The following GRIK4 variants were observed in gnomAD, a reference collection of about 807,000 sequenced individuals.
GRIK4 encodes the protein glutamate ionotropic receptor kainate type subunit 4.
Under a neutral mutation model 104.9 loss-of-function variants are expected in GRIK4, and 40 were observed. The ratio of observed to expected loss-of-function variants is 0.38; its 90% CI spans 0.30 to 0.50. The LOEUF is 0.50. Ranked by LOEUF, GRIK4 falls within the 20% of genes least tolerant of loss-of-function variation. GRIK4 has a pLI of 0.93. For missense variants in GRIK4, 1,047 were observed against 1,308.1 expected (o/e 0.80, Z 3.08); for synonymous variants, 485 against 524.9 (o/e 0.92, Z 1.04).
chr11:120,899,093 T>C (rs1296960630), intron 12 of GRIK4, among the ~76,000 whole-genome samples: 1 of 152,144 alleles, frequency 6.6e-6, no homozygotes, highest in Admixed American at 6.5e-5. Flanking sequence ...GTTTCTTCAT[T>C]TCCAGGTGGT....
chr11:120,731,894 T>G (rs1951138040), intron 3 of GRIK4, among the ~76,000 whole-genome samples: 1 of 152,214 alleles, frequency 6.6e-6, no homozygotes, highest in South Asian at 2.1e-4. Flanking sequence ...CAGTGTCAGT[T>G]GTAATGTCTC....
intron 1 of GRIK4, among the ~76,000 whole-genome samples, chr11:120,582,085 GCATGAGC>G (rs1948590867): frequency 5.3e-5 from 8 of 151,922 alleles, no homozygotes; most frequent in African/African-American, 1.7e-4. Flanking sequence ...GGGATTACAG[GCATGAGC>G]CACCGCGCCC....
chr11:120,922,100 C>G (rs1943239759), intron 13 of GRIK4, among the ~76,000 whole-genome samples: 1 of 152,212 alleles, frequency 6.6e-6, no homozygotes. Flanking sequence ...CCTTCTGTGC[C>G]TGCTCCACAG....
At chr11:120,541,780 C>T (rs560963844) in intron 1 of GRIK4, among the ~76,000 whole-genome samples, 3 of 152,078 alleles carry the variant, frequency 2.0e-5, no homozygotes, top group East Asian at 1.9e-4. Context: ...TGAGCCACTG[C>T]GCCTGGCCAA....
intron 8 of GRIK4, among the ~76,000 whole-genome samples, chr11:120,847,073 G>A (rs1395123142): frequency 6.6e-6 from 1 of 152,234 alleles, no homozygotes; most frequent in Non-Finnish European, 1.5e-5. Flanking sequence ...TGAAAATCCA[G>A]TTCGTGCCAA....
chr11:120,529,038 C>T (rs1947895248), intron 1 of GRIK4, among the ~76,000 whole-genome samples: 1 of 152,110 alleles, frequency 6.6e-6, no homozygotes, highest in Non-Finnish European at 1.5e-5. Context: ...CTCCTCCTTC[C>T]ACCTCCTCTC....
At chr11:120,587,512 A>G (rs1258387800) in intron 1 of GRIK4, among the ~76,000 whole-genome samples, 2 of 152,228 alleles carry the variant, frequency 1.3e-5, no homozygotes, top group East Asian at 1.9e-4. Context: ...TAGCATATGT[A>G]AATCGCTTGG....
chr11:120,960,826 A>G (rs2134728522), intron 16 of GRIK4, 83 bp from the exon 17 acceptor site: 1 of 1,058,038 alleles, frequency 9.5e-7, no homozygotes, highest in Non-Finnish European at 1.4e-6. Context: ...GGTCTCTCCC[A>G]TGTCACAGCA....
chr11:120,956,802 A>G lies in GRIK4; in HGVS notation c.1723A>G (p.Ser575Gly). The change falls in exon 16 of 21, where the codon AGC becomes GGC. Residue 575 changes from serine (S) to glycine (G), a missense_variant. By Grantham distance (56) the Ser-to-Gly change is moderately conservative. Around this residue, in one of 3 missense-constraint regions of GRIK4, gnomAD observed 440 missense variants for 652.3 expected, o/e 0.67. Coordinates refer to ENST00000527524, the MANE Select transcript of GRIK4 (RefSeq NM_014619.5). The surrounding 1 kb of genome is among the most constrained non-coding windows in gnomAD (Gnocchi z 4.6). ...VARLTPYEWY[S>G]PHPCAQGRCN... is the part of the protein sequence containing the mutation. Reference sequence around the variant, plus strand: ...CAGGTTGACGCCCTACGAGTGGTACAGCCCACACCCATGTGCCCAGGGCCG... The same window carrying G: ...CAGGTTGACGCCCTACGAGTGGTACGGCCCACACCCATGTGCCCAGGGCCG... The G allele has an allele frequency of 6.2e-7, 1 of 1,610,086 alleles. No homozygotes were observed. Among genetic ancestry groups the G allele is most frequent in the South Asian group, 1.1e-5 (1 of 90,420 alleles).
chr11:120,711,002 A>T lies in GRIK4; in HGVS notation c.82+50602A>T, dbSNP rs76282176. Among the ~76,000 whole-genome samples, 82 of 133,742 alleles carry T rather than the reference A, an allele frequency of 6.1e-4. 8 individuals are homozygous for T. The highest frequency in any genetic ancestry group is 2.4e-3 in the African/African-American group (80 of 32,872). The allele number at this position is 133,742 out of a possible 152,430, so 87.7% of individuals were successfully genotyped here. On this transcript the variant is annotated intron_variant, in intron 3 of 20. Coordinates refer to ENST00000527524, the MANE Select transcript of GRIK4 (RefSeq NM_014619.5). ...CCTCGCTTGCCCCTGTGAGGTGGGG[A>T]GGGGGTGTGAGCAGCTGCAGGGCCC...
At chr11:120,842,631 G>C (rs1312221571) in intron 8 of GRIK4, among the ~76,000 whole-genome samples, 2 of 152,232 alleles carry the variant, frequency 1.3e-5, no homozygotes, top group Non-Finnish European at 2.9e-5. Context: ...TCAGCACTTA[G>C]TTATAAGGAT....
At chr11:120,751,433 G>A (rs1951549223) in intron 3 of GRIK4, among the ~76,000 whole-genome samples, 1 of 152,190 alleles carries the variant, frequency 6.6e-6, no homozygotes. Flanking sequence ...GTAGCTTTAT[G>A]AAATAAAATA....
At chr11:120,892,715 C>G (rs966776608) in intron 11 of GRIK4, among the ~76,000 whole-genome samples, 4 of 152,150 alleles carry the variant, frequency 2.6e-5, no homozygotes, top group African/African-American at 7.2e-5. Flanking sequence ...ACACGACAGA[C>G]CAAATCCAAG....
chr11:120,960,241 A>G (rs1944259451), intron 16 of GRIK4, among the ~76,000 whole-genome samples: 2 of 152,156 alleles, frequency 1.3e-5, no homozygotes, highest in South Asian at 4.2e-4. Flanking sequence ...AGGCAGGAGA[A>G]TCACTTGAAT....
chr11:120,612,783 T>C (rs2135150446), intron 1 of GRIK4, among the ~76,000 whole-genome samples: 1 of 152,324 alleles, frequency 6.6e-6, no homozygotes, highest in Non-Finnish European at 1.5e-5. Flanking sequence ...TGGGGCTTTG[T>C]CTGTGACAGG....
At chr11:120,608,468 G>A (rs1948990053) in intron 1 of GRIK4, among the ~76,000 whole-genome samples, 1 of 152,332 alleles carries the variant, frequency 6.6e-6, no homozygotes, top group Non-Finnish European at 1.5e-5. Flanking sequence ...GTGTGTGCAC[G>A]CATGTGTATT....
chr11:120,962,929 T>C (rs1045232281), intron 18 of GRIK4: 4 of 400,628 alleles, frequency 1.0e-5, no homozygotes, highest in South Asian at 5.3e-5. Context: ...GATTGATTAA[T>C]TGACTAATTT....
intron 11 of GRIK4, among the ~76,000 whole-genome samples, chr11:120,879,887 G>A (rs1213518943): frequency 6.6e-6 from 1 of 152,238 alleles, no homozygotes; most frequent in East Asian, 1.9e-4. Context: ...ATCTTTGGAA[G>A]AGGCTGGGAA....
At chr11:120,641,607 G>A (rs1487425206) in intron 1 of GRIK4, among the ~76,000 whole-genome samples, 4 of 152,150 alleles carry the variant, frequency 2.6e-5, no homozygotes, top group Non-Finnish European at 4.4e-5. Context: ...CTGTCATGGC[G>A]CTGATGGGAG....
Sources: allele counts gnomAD v4.1 joint callset (sites outside exome capture counted in the v4.1 genomes callset), GRCh38; gene constraint gnomAD v4.1.1; regional missense constraint gnomAD v4.1.1; non-coding constraint Gnocchi (gnomAD v3.1); transcripts MANE v1.5; gene names NCBI Gene and HGNC (gene_info 2026-07-23, HGNC 2026-07-21).